Variants in CDKL5 observed in about 807,000 individuals in gnomAD.
CDKL5 encodes the protein cyclin dependent kinase like 5.
CDKL5 carries 8 observed loss-of-function variants against 61.7 expected under a neutral mutation model. The ratio of observed to expected loss-of-function variants is 0.13; its 90% CI spans 0.08 to 0.23. The LOEUF is 0.23. CDKL5 is among the 10% of genes least tolerant of loss of function. The probability of loss-of-function intolerance (pLI) is 1.00; values close to 1 mark genes in which losing one functional copy is unlikely to be tolerated. For missense variants in CDKL5, 440 were observed against 734.5 expected (o/e 0.60, Z 4.63); for synonymous variants, 275 against 272.3 (o/e 1.01, Z -0.10).
intron 1 of CDKL5, chrX:18,426,586 G>A (rs937799342): frequency 7.1e-5 from 8 of 112,726 alleles, no homozygotes; most frequent in African/African-American, 2.6e-4. Context: ...GACGGGTGCT[G>A]TGATATTTAA....
At chrX:18,465,520 T>A (rs1482250048) in intron 1 of CDKL5, among the ~76,000 whole-genome samples, 11 of 110,416 alleles carry the variant, frequency 1.0e-4, no homozygotes, top group Admixed American at 4.9e-4. Flanking sequence ...ACAAAAAAAA[T>A]TAGCTGGATA....
chrX:18,574,418 G>A (rs1403332300), intron 4 of CDKL5, among the ~76,000 whole-genome samples: 1 of 111,752 alleles, frequency 8.9e-6, no homozygotes, highest in Non-Finnish European at 1.9e-5. Flanking sequence ...TGGACTTGCA[G>A]ATGAGGGATT....
chrX:18,526,787 CT>C (rs751799416), intron 3 of CDKL5, among the ~76,000 whole-genome samples: 241 of 101,626 alleles, frequency 2.4e-3, no homozygotes, highest in African/African-American at 3.3e-3. Flanking sequence ...GCCTTTCTTT[CT>C]TTTTTTTTTT....
intron 15 of CDKL5, among the ~76,000 whole-genome samples, chrX:18,617,627 G>T (rs1289460004): frequency 8.9e-6 from 1 of 112,043 alleles, no homozygotes; most frequent in Non-Finnish European, 1.9e-5. Context: ...TTCCCTTTCT[G>T]TGTTAATTCT....
chrX:18,509,505 A>C (rs1056540397), intron 2 of CDKL5, among the ~76,000 whole-genome samples: 1 of 111,428 alleles, frequency 9.0e-6, no homozygotes, highest in Non-Finnish European at 1.9e-5. Context: ...CCCCCTTCTC[A>C]TAGATGAATG....
chrX:18,546,962 T>C (rs1924220494), intron 3 of CDKL5, among the ~76,000 whole-genome samples: 1 of 111,668 alleles, frequency 9.0e-6, no homozygotes, highest in South Asian at 3.8e-4. Context: ...TGGCTTCTTG[T>C]CATTTCAGTA....
At chrX:18,513,394 G>A (rs531999690) in intron 3 of CDKL5, among the ~76,000 whole-genome samples, 1 of 111,108 alleles carries the variant, frequency 9.0e-6, no homozygotes, top group South Asian at 3.8e-4. Context: ...GTTACTGTGT[G>A]TAGGGAACTT....
At chrX:18,542,372 A>T (rs187450247) in intron 3 of CDKL5, among the ~76,000 whole-genome samples, 1,131 of 111,806 alleles carry the variant, frequency 0.01, 18 homozygotes, top group African/African-American at 0.035. Flanking sequence ...GTAGGGCCCC[A>T]GTTTTCACTG....
At chrX:18,628,317 G>A (rs1412459449) in intron 17 of CDKL5, 54 bp from the exon 18 acceptor site, 3 of 1,165,670 alleles carry the variant, frequency 2.6e-6, no homozygotes, top group Non-Finnish European at 3.5e-6. Flanking sequence ...TCCCTCCCCA[G>A]CCTTATGGTC....
chrX:18,485,911 G>A (rs1209474603), intron 1 of CDKL5, among the ~76,000 whole-genome samples: 1 of 111,074 alleles, frequency 9.0e-6, no homozygotes, highest in African/African-American at 3.3e-5. Flanking sequence ...AAGAGAGAGC[G>A]CAACACTATT....
intron 3 of CDKL5, among the ~76,000 whole-genome samples, chrX:18,542,039 A>G (rs1924042323): frequency 9.0e-6 from 1 of 111,690 alleles, no homozygotes; most frequent in African/African-American, 3.3e-5. Context: ...ATAATTTTCT[A>G]CTGAAACCTG....
In CDKL5 at chrX:18,509,197, G is replaced by GCACGCGCGCGCACACACACACA. The variant is rs1204561636; in HGVS notation, c.65-1620_65-1619insGCGCGCGCACACACACACACAC. The stretch of plus-strand genomic sequence containing the variant: ...AGAGAGCGAGACTGTCTCAAAACAC[G>GCACGCGCGCGCACACACACACA]CACACACACACACACACACACACAC... On this transcript the variant is annotated intron_variant, in intron 2 of 17. Transcript: ENST00000623535. 1.9e-4 allele frequency among the ~76,000 whole-genome samples: 12 copies of GCACGCGCGCGCACACACACACA among 64,313 alleles called. No homozygotes were observed. The South Asian group carries it at 3.2e-3, about 17-fold the overall frequency. The allele number at this position is 64,313 out of a possible 115,157, so 55.8% of individuals were successfully genotyped here.
At chrX:18,589,492 AG>A (rs1203843903) in intron 9 of CDKL5, 1 of 111,755 alleles carries the variant, frequency 8.9e-6, no homozygotes, top group African/African-American at 3.3e-5. Context: ...ATGGCTGCAT[AG>A]TATTCCATGG....
chrX:18,603,888 T>C lies in CDKL5; in HGVS notation c.978-14T>C, dbSNP rs1926253256. The C allele has an allele frequency of 8.3e-6, 10 of 1,210,286 alleles. No individual in the cohort carries two copies. In the East Asian group the frequency reaches 3.0e-4, roughly 36 times the overall value. ...TTGAGGGAAACTGATATACTTCTTTTGTTTTTAACATAGAAACCAAGCCGG... is the reference window on the plus strand; with the variant it reads ...TTGAGGGAAACTGATATACTTCTTTCGTTTTTAACATAGAAACCAAGCCGG... On this transcript the variant is annotated splice_polypyrimidine_tract_variant and intron_variant, in intron 11 of 17. Coordinates refer to ENST00000623535, the MANE Select transcript of CDKL5 (RefSeq NM_001323289.2).
At position 18,634,185 on chromosome X, in the gene CDKL5, A is replaced by G; in HGVS notation, c.*5428A>G. The G allele has an allele frequency of 1.3e-6, 1 of 754,086 alleles. No homozygotes were observed. The highest frequency in any genetic ancestry group is 1.6e-6 in the Non-Finnish European group (1 of 639,274). The allele number at this position is 754,086 out of a possible 1,213,427, so 62.1% of individuals were successfully genotyped here. On this transcript the variant is annotated 3_prime_UTR_variant, in exon 18 of 18. Transcript: ENST00000623535. ...TTGCCTTGTTTGTTACTCTTCCAAC[A>G]CAGGGTATCAGGGAGAAAGAGGCCT...
rs1927225961 is a variant in CDKL5, at chrX:18,631,188, C to T, written c.*2431C>T. The stretch of plus-strand genomic sequence containing the variant: ...CTTCAAAGAAGGGCTAGAATATTTG[C>T]CTTCTACCTAGAGCAAAGTAAACCT... On this transcript the variant is annotated 3_prime_UTR_variant, in exon 18 of 18. Transcript: ENST00000623535. 1.3e-6 allele frequency: 1 copy of T among 752,734 alleles called. No individual in the cohort carries two copies. The highest frequency in any genetic ancestry group is 8.6e-5 in the Admixed American group (1 of 11,574). The allele number at this position is 752,734 out of a possible 1,213,427, so 62.0% of individuals were successfully genotyped here. A position where few individuals can be genotyped will look rare whatever the true frequency, so the allele number is the denominator to read the frequency against.
chrX:18,647,507 CAAGA>C (rs773911775), intron 20 of CDKL5: 1 of 479,590 alleles, frequency 2.1e-6, no homozygotes, highest in Non-Finnish European at 3.6e-6. Context: ...ACTACTCACG[CAAGA>C]AAGGAATGAA....
intron 3 of CDKL5, among the ~76,000 whole-genome samples, chrX:18,532,380 T>C (rs1923679378): frequency 9.0e-6 from 1 of 111,143 alleles, no homozygotes; most frequent in South Asian, 3.7e-4. Flanking sequence ...AGCATTGTTT[T>C]TTTTTTTTAA....
intron 4 of CDKL5, among the ~76,000 whole-genome samples, chrX:18,574,877 G>A (rs1268601768): frequency 8.9e-6 from 1 of 112,180 alleles, no homozygotes; most frequent in Non-Finnish European, 1.9e-5. Context: ...TTAGGCCAAA[G>A]TTTCAGGCCA....
Sources: allele counts gnomAD v4.1 joint callset (sites outside exome capture counted in the v4.1 genomes callset), GRCh38; gene constraint gnomAD v4.1.1; transcripts MANE v1.5; gene names NCBI Gene and HGNC (gene_info 2026-07-23, HGNC 2026-07-21).